The following PRKAA1 variants were observed in gnomAD, a reference collection of about 807,000 sequenced individuals.
PRKAA1 encodes the protein protein kinase AMP-activated catalytic subunit alpha 1, also known as 5'-AMP-activated protein kinase catalytic subunit alpha-1.
PRKAA1 carries 23 observed loss-of-function variants against 56.9 expected under a neutral mutation model. The observed-to-expected ratio is 0.40, with a 90% CI of 0.29 to 0.57. The LOEUF (loss-of-function observed/expected upper bound fraction) is 0.57, where lower values mean the gene tolerates loss of function less well. PRKAA1 is among the 20% of genes least tolerant of loss of function. The pLI is 0.39. For synonymous variants in PRKAA1, 226 were observed against 227.0 expected (o/e 1.00, Z 0.04); for missense variants, 413 against 679.7 (o/e 0.61, Z 4.36).
At chr5:40,768,312 CA>C (rs1743565189) in intron 5 of PRKAA1, 1 of 494,202 alleles carries the variant, frequency 2.0e-6, no homozygotes, top group African/African-American at 2.1e-5. Flanking sequence ...AGTTCTCATA[CA>C]CCAAGAGCTT....
At chr5:40,763,690 C>G (rs1743295693) in intron 8 of PRKAA1, among the ~76,000 whole-genome samples, 1 of 152,108 alleles carries the variant, frequency 6.6e-6, no homozygotes, top group Admixed American at 6.5e-5. Context: ...CAAATTTGAT[C>G]CAAATACAAG....
rs183385610 is a variant in PRKAA1 at position 40,782,636 on chromosome 5, G to T, written c.128-5050C>A. On this transcript the variant is annotated intron_variant, in intron 1 of 8. Transcript: ENST00000397128. ...GTATGAAATTAGAGCAGAGCAAGAA[G>T]AATTTTACAATACAATTAAAATCAT... Among the ~76,000 whole-genome samples, 32 of 152,170 alleles carry T rather than the reference G, an allele frequency of 2.1e-4. No individual in the cohort carries two copies. The East Asian group carries it at 5.8e-3, about 28-fold the overall frequency.
chr5:40,780,768 T>C (rs1334537026), intron 1 of PRKAA1, among the ~76,000 whole-genome samples: 1 of 152,174 alleles, frequency 6.6e-6, no homozygotes, highest in African/African-American at 2.4e-5. Flanking sequence ...CAATTTGTTT[T>C]CTCTGGGCCC....
At chr5:40,790,553 G>A (rs1279815794) in intron 1 of PRKAA1, among the ~76,000 whole-genome samples, 1 of 111,422 alleles carries the variant, frequency 9.0e-6, no homozygotes, top group Non-Finnish European at 1.9e-5. Context: ...TGTTGTTGTT[G>A]TTGTTGAGAT....
At chr5:40,777,910 T>C (rs1744091811) in intron 1 of PRKAA1, among the ~76,000 whole-genome samples, 1 of 152,166 alleles carries the variant, frequency 6.6e-6, no homozygotes, top group Non-Finnish European at 1.5e-5. Flanking sequence ...CCGTTTCTAC[T>C]AAAAATACAA....
At chr5:40,794,099 T>C (rs1455626029) in intron 1 of PRKAA1, among the ~76,000 whole-genome samples, 1 of 121,580 alleles carries the variant, frequency 8.2e-6, no homozygotes, top group Non-Finnish European at 1.9e-5. Context: ...CAAAACTGTC[T>C]CCAAAAAAAA....
At chr5:40,765,274 T>G (rs1370670286) in intron 6 of PRKAA1, 36 bp from the exon 7 acceptor site, 1 of 1,558,538 alleles carries the variant, frequency 6.4e-7, no homozygotes, top group Non-Finnish European at 8.7e-7. Context: ...AGAAGGACTT[T>G]GAATAGAGCT....
chr5:40,780,241 C>T (rs1342138569), intron 1 of PRKAA1, among the ~76,000 whole-genome samples: 1 of 152,112 alleles, frequency 6.6e-6, no homozygotes, highest in Non-Finnish European at 1.5e-5. Context: ...TAATAATTAG[C>T]TTTTAAACTT....
At position 40,787,036 on chromosome 5, in the gene PRKAA1, A is replaced by G. The variant is rs139085867; in HGVS notation, c.128-9450T>C. Among the ~76,000 whole-genome samples, 639 of 152,288 alleles carry G rather than the reference A, an allele frequency of 4.2e-3. 4 individuals are homozygous for G. The highest frequency in any genetic ancestry group is 0.015 in the African/African-American group (613 of 41,578). The stretch of plus-strand genomic sequence containing the variant: ...AATAAAGAAGACACTAATGAGTGAC[A>G]GGAAAACATGAAAAGTATAAAACTC... On this transcript the variant is annotated intron_variant, in intron 1 of 8. Coordinates refer to ENST00000397128, the MANE Select transcript of PRKAA1 (RefSeq NM_006251.6).
intron 1 of PRKAA1, among the ~76,000 whole-genome samples, chr5:40,786,875 T>C (rs1159006749): frequency 1.3e-5 from 2 of 149,496 alleles, no homozygotes; most frequent in African/African-American, 4.9e-5. Context: ...GAAGGATCAC[T>C]TGAACAGAGC....
intron 1 of PRKAA1, 118 bp downstream of exon 1, chr5:40,797,945 G>C: frequency 6.7e-7 from 1 of 1,488,494 alleles, no homozygotes; most frequent in South Asian, 1.2e-5. Flanking sequence ...TCCGGGACAG[G>C]GGCTGCCCAG....
At chr5:40,790,525 C>CTTTTTTTT (rs1554033592) in intron 1 of PRKAA1, among the ~76,000 whole-genome samples, 1 of 112,032 alleles carries the variant, frequency 8.9e-6, no homozygotes, top group South Asian at 2.9e-4. Flanking sequence ...TCAACTCTTT[C>CTTTTTTTT]TTTTTTTTTT....
chr5:40,789,716 T>C (rs796394390), intron 1 of PRKAA1, among the ~76,000 whole-genome samples: 6 of 152,302 alleles, frequency 3.9e-5, no homozygotes, highest in African/African-American at 1.4e-4. Flanking sequence ...GGTGTTGTAT[T>C]GCATAGCATC....
chr5:40,762,985 T>C lies in PRKAA1; in HGVS notation c.1473A>G (p.Pro491=). 6.2e-7 allele frequency: 1 copy of C among 1,614,128 alleles called. No homozygotes were observed. The highest frequency in any genetic ancestry group is 8.5e-7 in the Non-Finnish European group (1 of 1,179,968). Residue 491 remains proline, a synonymous_variant, in exon 9 of 9, where the codon CCA becomes CCG. Coordinates refer to ENST00000397128, the MANE Select transcript of PRKAA1 (RefSeq NM_006251.6). Reference sequence around the variant, plus strand: ...AGTTGCTAACTGATCCCGATCTCTGTGGAGTAGCAGTCCCTGATTTGGCTT... The same window carrying C: ...AGTTGCTAACTGATCCCGATCTCTGCGGAGTAGCAGTCCCTGATTTGGCTT... ...ITEAKSGTAT[P]QRSGSVSNYR...
chr5:40,765,188 T>G lies in PRKAA1; in HGVS notation c.872A>C (p.Asp291Ala), dbSNP rs535217762. ...AATCATGGTTGAACTATATGATGGA[T>G]CCTCAGGAAAGAGATATTTTGGAAG... ...QDLPKYLFPE[D>A]PSYSSTMIDD... Residue 291 changes from aspartate (D) to alanine (A), a missense_variant, in exon 7 of 9, where the codon GAT becomes GCT. This residue lies in a region of PRKAA1 where 113 missense variants were observed against 198.6 expected (regional missense o/e 0.57). Transcript: ENST00000397128. 2.1e-4 allele frequency: 338 copies of G among 1,613,888 alleles called. 5 individuals carry two copies. The South Asian group carries it at 3.6e-3, about 17-fold the overall frequency.
chr5:40,796,085 G>A (rs532274722), intron 1 of PRKAA1, among the ~76,000 whole-genome samples: 1 of 152,218 alleles, frequency 6.6e-6, no homozygotes, highest in Non-Finnish European at 1.5e-5. Context: ...GGGAGGCTGA[G>A]GTGGGTAGAT....
chr5:40,788,659 C>G (rs1744594988), intron 1 of PRKAA1, among the ~76,000 whole-genome samples: 2 of 152,080 alleles, frequency 1.3e-5, no homozygotes, highest in Admixed American at 1.3e-4. Context: ...GAAGCCCTAT[C>G]TCTACTAAAA....
chr5:40,776,641 A>G (rs748076490), intron 2 of PRKAA1, among the ~76,000 whole-genome samples: 3 of 152,240 alleles, frequency 2.0e-5, no homozygotes, highest in Non-Finnish European at 4.4e-5. Flanking sequence ...TGAGCAGGAA[A>G]TAGTTATTTG....
intron 1 of PRKAA1, among the ~76,000 whole-genome samples, chr5:40,793,596 T>G (rs1744804521): frequency 6.6e-6 from 1 of 152,238 alleles, no homozygotes; most frequent in African/African-American, 2.4e-5. Context: ...AAAGCTTTCT[T>G]TACTCCAAAT....
Sources: gnomAD v4.1 joint callset for allele counts (sites outside exome capture counted in the v4.1 genomes callset) on GRCh38, gnomAD v4.1.1 for gene constraint, gnomAD v4.1.1 regional missense constraint, MANE v1.5 for transcripts, NCBI Gene and HGNC (gene_info 2026-07-23, HGNC 2026-07-21) for gene names.